The following ACTR3B variants were observed in gnomAD, a reference collection of about 807,000 sequenced individuals.
ACTR3B encodes the protein actin related protein 3B, also known as actin-related protein 3B.
ACTR3B carries 8 observed loss-of-function variants against 59.0 expected under a neutral mutation model. The ratio of observed to expected loss-of-function variants is 0.14; its 90% CI spans 0.08 to 0.24. The LOEUF is 0.24. Among genes scored for constraint, ACTR3B ranks in the 10% least tolerant of loss-of-function variants. The pLI, the probability that ACTR3B is intolerant of heterozygous loss-of-function variation, is 1.00. For synonymous variants in ACTR3B, 148 were observed against 197.9 expected (o/e 0.75, Z 2.12); for missense variants, 245 against 552.3 (o/e 0.44, Z 5.58).
At position 152,824,926 on chromosome 7, in the gene ACTR3B, TTATAA is replaced by T; in HGVS notation, c.859-101_859-97del. 1 of 1,241,002 alleles carries T rather than the reference TTATAA, an allele frequency of 8.1e-7. No homozygotes were observed. Among genetic ancestry groups the T allele is most frequent in the Non-Finnish European group, 1.1e-6 (1 of 908,688 alleles). The allele number at this position is 1,241,002 out of a possible 1,614,324, so 76.9% of individuals were successfully genotyped here. A position where few individuals can be genotyped will look rare whatever the true frequency, so the allele number is the denominator to read the frequency against. On this transcript the variant is annotated intron_variant, in intron 8 of 11. Coordinates refer to ENST00000256001, the MANE Select transcript of ACTR3B (RefSeq NM_020445.6). The surrounding 1 kb of genome is among the most constrained non-coding windows in gnomAD (Gnocchi z 4.2). Reference sequence around the variant, plus strand: ...TCATTCCAATGTGAATTCTTTTAAGTTATAATAAATTGTATATTTGTTAAAGTTAC... The same window carrying T: ...TCATTCCAATGTGAATTCTTTTAAGTTAAATTGTATATTTGTTAAAGTTAC...
At chr7:152,817,554 AT>A (rs1410435028) in intron 6 of ACTR3B, among the ~76,000 whole-genome samples, 5 of 151,698 alleles carry the variant, frequency 3.3e-5, no homozygotes, top group African/African-American at 1.2e-4. Context: ...TCTTAAATTC[AT>A]TTTTTTTGGA....
chr7:152,778,481 A>G (rs2098141783), intron 1 of ACTR3B, among the ~76,000 whole-genome samples: 1 of 151,916 alleles, frequency 6.6e-6, no homozygotes, highest in Admixed American at 6.6e-5. Flanking sequence ...CAGGTGATCC[A>G]ACACCTCAGA....
chr7:152,774,687 A>G (rs2098132350), intron 1 of ACTR3B, among the ~76,000 whole-genome samples: 1 of 152,160 alleles, frequency 6.6e-6, no homozygotes, highest in African/African-American at 2.4e-5. Flanking sequence ...AGTACTCAGA[A>G]GGAGAAATAG....
chr7:152,817,336 G>A (rs1795782252), intron 6 of ACTR3B, among the ~76,000 whole-genome samples: 3 of 151,530 alleles, frequency 2.0e-5, no homozygotes, highest in African/African-American at 4.9e-5. Context: ...AGCCGAGATC[G>A]CACCATTGCA....
chr7:152,777,864 C>T (rs1371668498), intron 1 of ACTR3B, among the ~76,000 whole-genome samples: 3 of 151,728 alleles, frequency 2.0e-5, no homozygotes, highest in Non-Finnish European at 2.9e-5. Flanking sequence ...GCAGAAGAAT[C>T]GCTCAAACAT....
At chr7:152,769,925 A>C (rs1288627114) in intron 1 of ACTR3B, among the ~76,000 whole-genome samples, 1 of 151,960 alleles carries the variant, frequency 6.6e-6, no homozygotes, top group African/African-American at 2.4e-5. Context: ...GTAGTCAACA[A>C]ATTTATTATA....
At chr7:152,786,425 T>A (rs1194351231) in intron 2 of ACTR3B, 2 of 226,060 alleles carry the variant, frequency 8.8e-6, no homozygotes, top group African/African-American at 4.8e-5. Context: ...TGGTGGCGGG[T>A]GCCTGTAATC....
rs552599804 is a variant in ACTR3B at position 152,777,345 on chromosome 7, C to T, written c.45-5842C>T. ...AACAAAAAAAACAAAACGGACTCTT[C>T]CTGTGTAAGATTAAGGCATGTCTCT... is the stretch of plus-strand genomic sequence containing the variant. On this transcript the variant is annotated intron_variant, in intron 1 of 11. Transcript: ENST00000256001. 2.0e-5 allele frequency among the ~76,000 whole-genome samples: 3 copies of T among 152,152 alleles called. No homozygotes were observed. The South Asian group carries it at 6.2e-4, about 32-fold the overall frequency.
chr7:152,815,364 C>A (rs1405786055), intron 5 of ACTR3B, among the ~76,000 whole-genome samples: 1 of 152,194 alleles, frequency 6.6e-6, no homozygotes, highest in African/African-American at 2.4e-5. Context: ...TCTATGTATT[C>A]TAGCACTTCC....
chr7:152,834,110 A>T (rs548130235), intron 9 of ACTR3B, among the ~76,000 whole-genome samples: 1 of 151,226 alleles, frequency 6.6e-6, no homozygotes, highest in African/African-American at 2.4e-5. Flanking sequence ...TTGTAAAAAA[A>T]CACTTTTACA....
At chr7:152,799,566 A>G (rs2098228022) in intron 2 of ACTR3B, among the ~76,000 whole-genome samples, 1 of 151,972 alleles carries the variant, frequency 6.6e-6, no homozygotes, top group Non-Finnish European at 1.5e-5. Flanking sequence ...ACAGTTAAAG[A>G]TGGGGGTTAT....
intron 9 of ACTR3B, among the ~76,000 whole-genome samples, chr7:152,831,414 G>A (rs1470596868): frequency 6.6e-5 from 10 of 152,252 alleles, no homozygotes; most frequent in Non-Finnish European, 1.0e-4. Flanking sequence ...GTGGACAGGA[G>A]TGTGAGGATC....
chr7:152,768,203 A>G (rs191600124), intron 1 of ACTR3B, among the ~76,000 whole-genome samples: 1,840 of 152,346 alleles, frequency 0.012, 27 homozygotes, highest in African/African-American at 0.042. Context: ...AGCCTGGGCA[A>G]CAGAGCCAGA....
At position 152,801,121 on chromosome 7, in the gene ACTR3B, C is replaced by T. The variant is rs541901461; in HGVS notation, c.225+466C>T. Among the ~76,000 whole-genome samples the T allele has an allele frequency of 8.5e-5, 13 of 152,414 alleles. No individual in the cohort carries two copies. In the East Asian group the frequency reaches 2.3e-3, roughly 27 times the overall value. On this transcript the variant is annotated intron_variant, in intron 3 of 11. Coordinates refer to ENST00000256001, the MANE Select transcript of ACTR3B (RefSeq NM_020445.6). ...TTAGAGATAGGTCTTACTCTGTCAT[C>T]CAGGCTGGAGTGCTGTGATGCCGTC...
chr7:152,829,329 G>A (rs547066389), intron 9 of ACTR3B, among the ~76,000 whole-genome samples: 1 of 152,284 alleles, frequency 6.6e-6, no homozygotes, highest in South Asian at 2.1e-4. Context: ...CTGACTACAA[G>A]TTTGTTCCCT....
At chr7:152,804,327 G>T (rs1198579270) in intron 4 of ACTR3B, among the ~76,000 whole-genome samples, 1 of 152,192 alleles carries the variant, frequency 6.6e-6, no homozygotes, top group Non-Finnish European at 1.5e-5. Context: ...TCCTGCAAGA[G>T]CAAACAAGCA....
intron 1 of ACTR3B, among the ~76,000 whole-genome samples, chr7:152,774,018 T>C (rs1448758632): frequency 6.6e-6 from 1 of 152,234 alleles, no homozygotes; most frequent in African/African-American, 2.4e-5. Context: ...GCCCCTGCTG[T>C]CTTTCTTATA....
At chr7:152,762,994 T>C (rs1301411388) in intron 1 of ACTR3B, among the ~76,000 whole-genome samples, 11 of 152,138 alleles carry the variant, frequency 7.2e-5, no homozygotes, top group Admixed American at 7.2e-4. Flanking sequence ...GTTTCTTCAC[T>C]GTTCAGTTAC....
chr7:152,767,188 T>C (rs544030415), intron 1 of ACTR3B, among the ~76,000 whole-genome samples: 4 of 152,216 alleles, frequency 2.6e-5, no homozygotes, highest in Admixed American at 2.6e-4. Context: ...ATGGACCCAG[T>C]TGGATCCACT....
Sources: gnomAD v4.1 joint callset for allele counts (sites outside exome capture counted in the v4.1 genomes callset) on GRCh38, gnomAD v4.1.1 for gene constraint, Gnocchi (gnomAD v3.1) non-coding constraint, MANE v1.5 for transcripts, NCBI Gene and HGNC (gene_info 2026-07-23, HGNC 2026-07-21) for gene names.